GLG1: variants seen among roughly 807,000 people sequenced by gnomAD.
GLG1 encodes golgi glycoprotein 1.
GLG1 carries 38 observed loss-of-function variants against 160.5 expected under a neutral mutation model. The ratio of observed to expected loss-of-function variants is 0.24; its 90% confidence interval spans 0.18 to 0.31. The LOEUF is 0.31. Ranked by LOEUF, GLG1 falls within the 10% of genes least tolerant of loss-of-function variation. The pLI, the probability that GLG1 is intolerant of heterozygous loss-of-function variation, is 1.00. For synonymous variants in GLG1, 644 were observed against 543.4 expected (o/e 1.19, Z -2.57); for missense variants, 1,373 against 1,505.2 (o/e 0.91, Z 1.45).
intron 1 of GLG1, chr16:74,563,388 G>C (rs889600006): frequency 2.0e-5 from 3 of 152,192 alleles, no homozygotes; most frequent in African/African-American, 7.2e-5. Context: ...TTCATTGTTA[G>C]GTCACTTTTT....
chr16:74,552,043 A>G (rs932414599), intron 1 of GLG1, among the ~76,000 whole-genome samples: 2 of 151,998 alleles, frequency 1.3e-5, no homozygotes, highest in African/African-American at 4.8e-5. Context: ...CCCCACTGCT[A>G]TGATCTAGTT....
At chr16:74,492,451 G>A (rs1480771613) in intron 7 of GLG1, among the ~76,000 whole-genome samples, 1 of 151,918 alleles carries the variant, frequency 6.6e-6, no homozygotes, top group African/African-American at 2.4e-5. Flanking sequence ...GGGAGCTAAG[G>A]TGGGAGGATC....
chr16:74,538,783 A>C (rs2017754381), intron 1 of GLG1, among the ~76,000 whole-genome samples: 1 of 149,372 alleles, frequency 6.7e-6, no homozygotes, highest in African/African-American at 2.5e-5. Context: ...CTGGCTCTCA[A>C]GTGCATATCT....
intron 2 of GLG1, among the ~76,000 whole-genome samples, chr16:74,531,263 T>C (rs2017522739): frequency 6.6e-6 from 1 of 152,052 alleles, no homozygotes; most frequent in Admixed American, 6.6e-5. Flanking sequence ...TGTGATAGAG[T>C]GACTTTTGCC....
intron 11 of GLG1, among the ~76,000 whole-genome samples, chr16:74,479,013 C>T (rs1314699450): frequency 7.8e-6 from 1 of 128,456 alleles, no homozygotes; most frequent in Non-Finnish European, 1.6e-5. Context: ...CAAGACCAAC[C>T]TGGCCAACAT....
At chr16:74,522,588 C>T (rs12716768) in intron 2 of GLG1, among the ~76,000 whole-genome samples, 102,526 of 152,020 alleles carry the variant, frequency 0.67, 34,797 homozygotes, top group East Asian at 0.81. Context: ...CTCTGTGTGA[C>T]TTCTTTACAT....
At position 74,480,334 on chromosome 16, in the gene GLG1, G is replaced by A. The variant is rs758120935; in HGVS notation, c.1734C>T (p.His578=). 3.3e-5 allele frequency: 53 copies of A among 1,612,888 alleles called. No homozygotes were observed. The Admixed American group carries it at 5.2e-4, about 16-fold the overall frequency. The change falls in exon 11 of 26, where the codon CAC becomes CAT. Residue 578 remains histidine (H), a synonymous_variant. Transcript: ENST00000422840. ...TAAATTCACTGGTCTCATTCCAACC[G>A]TGGGTGTGGCAAAGACGAGAAGCGT... ...QGDASRLCHT[H]GWNETSEFMP...
chr16:74,606,626 T>A, intron 1 of GLG1, 31 bp downstream of exon 1: 1 of 1,527,158 alleles, frequency 6.5e-7, no homozygotes, highest in East Asian at 2.3e-5. Flanking sequence ...GCACCAGGCC[T>A]GGCCCTCCCG....
At position 74,498,468 on chromosome 16, in the gene GLG1, T is replaced by TATATATATATATATATATAAA. The variant is rs1491206560; in HGVS notation, c.775-1825_775-1824insTTTATATATATATATATATAT. On this transcript the variant is annotated intron_variant, in intron 4 of 25. Coordinates refer to ENST00000422840, the MANE Select transcript of GLG1 (RefSeq NM_001145667.2). Reference sequence around the variant, plus strand: ...AAAAAGTATATATATATATATATATTATATTTTATATATATATTTTATATA... The same window carrying TATATATATATATATATATAAA: ...AAAAAGTATATATATATATATATATTATATATATATATATATATAAAATATTTTATATATATATTTTATATA... Among the ~76,000 whole-genome samples, 4 of 29,688 alleles carry TATATATATATATATATATAAA rather than the reference T, an allele frequency of 1.3e-4. 1 individual carries two copies. The highest frequency in any genetic ancestry group is 3.2e-3 in the South Asian group (2 of 634). The allele number at this position is 29,688 out of a possible 152,430, so 19.5% of individuals were successfully genotyped here.
chr16:74,567,967 C>T (rs1261216062), intron 1 of GLG1, among the ~76,000 whole-genome samples: 1 of 152,186 alleles, frequency 6.6e-6, no homozygotes, highest in African/African-American at 2.4e-5. Context: ...CAGGTCGGGC[C>T]TCATTCCTGA....
chr16:74,518,731 A>G (rs951851330), intron 2 of GLG1, among the ~76,000 whole-genome samples: 2 of 152,230 alleles, frequency 1.3e-5, no homozygotes, highest in Non-Finnish European at 2.9e-5. Context: ...TCTGCACAGC[A>G]AAAGAAACTA....
At chr16:74,465,649 G>A (rs2014973261) in intron 19 of GLG1, 27 bp downstream of exon 19, 1 of 1,609,596 alleles carries the variant, frequency 6.2e-7, no homozygotes, top group African/African-American at 1.3e-5. Context: ...GTTCATCCGT[G>A]CTCGGCCTTT....
chr16:74,548,837 A>C (rs1355691168), intron 1 of GLG1, among the ~76,000 whole-genome samples: 1 of 152,062 alleles, frequency 6.6e-6, no homozygotes, highest in African/African-American at 2.4e-5. Context: ...CTCTACTAAA[A>C]ATAGAAGAAT....
intron 1 of GLG1, among the ~76,000 whole-genome samples, chr16:74,543,320 G>A (rs1237273108): frequency 3.9e-5 from 6 of 152,218 alleles, no homozygotes; most frequent in Admixed American, 3.9e-4. Context: ...AACAGAATCA[G>A]GCCAGGCTCA....
At chr16:74,546,215 G>C (rs977244245) in intron 1 of GLG1, among the ~76,000 whole-genome samples, 2 of 152,234 alleles carry the variant, frequency 1.3e-5, no homozygotes, top group African/African-American at 2.4e-5. Context: ...GAGGTGGGCA[G>C]ACTGCTTGAG....
intron 1 of GLG1, among the ~76,000 whole-genome samples, chr16:74,592,375 A>C (rs1958204650): frequency 6.6e-6 from 1 of 151,902 alleles, no homozygotes; most frequent in African/African-American, 2.4e-5. Context: ...AATTCCTGAC[A>C]TCAGGTGATC....
intron 1 of GLG1, among the ~76,000 whole-genome samples, chr16:74,594,803 G>A (rs148565807): frequency 7.1e-4 from 108 of 152,246 alleles, no homozygotes; most frequent in East Asian, 1.2e-3. Flanking sequence ...GCAGTGGCAC[G>A]ATCTCAAAAT....
intron 2 of GLG1, among the ~76,000 whole-genome samples, chr16:74,531,242 A>G (rs1012548618): frequency 3.9e-5 from 6 of 152,068 alleles, no homozygotes; most frequent in African/African-American, 1.4e-4. Flanking sequence ...GGTCCCATCT[A>G]CCTTCTATAA....
chr16:74,572,610 C>A (rs747241773), intron 1 of GLG1, among the ~76,000 whole-genome samples: 1 of 152,150 alleles, frequency 6.6e-6, no homozygotes, highest in African/African-American at 2.4e-5. Flanking sequence ...TGGAGAGTGG[C>A]CTGCCTGGAG....
Sources: allele counts gnomAD v4.1 joint callset (sites outside exome capture counted in the v4.1 genomes callset), GRCh38; gene constraint gnomAD v4.1.1; transcripts MANE v1.5; gene names NCBI Gene and HGNC (gene_info 2026-07-23, HGNC 2026-07-21).